FMN2: variants seen among roughly 807,000 people sequenced by gnomAD.
FMN2 encodes the protein formin 2.
In FMN2, 51 loss-of-function variants were observed where a neutral mutation model predicts 142.3. The observed-to-expected ratio is 0.36, with a 90% CI of 0.29 to 0.45. FMN2 has a LOEUF of 0.45. FMN2 is among the 20% of genes least tolerant of loss of function. The pLI is 1.00. For missense variants in FMN2, 1,936 were observed against 2,122.8 expected (o/e 0.91, Z 1.73); for synonymous variants, 882 against 869.8 (o/e 1.01, Z -0.25).
chr1:240,201,184 T>C (rs1351530721), intron 4 of FMN2, among the ~76,000 whole-genome samples: 2 of 152,216 alleles, frequency 1.3e-5, no homozygotes, highest in Non-Finnish European at 2.9e-5. Context: ...ATTGATCATT[T>C]ATAAAAGTAG....
At chr1:240,117,921 T>A (rs1450767502) in intron 1 of FMN2, among the ~76,000 whole-genome samples, 1 of 152,094 alleles carries the variant, frequency 6.6e-6, no homozygotes, top group African/African-American at 2.4e-5. Context: ...AAGTGGATAA[T>A]GGGAACAAGA....
intron 2 of FMN2, among the ~76,000 whole-genome samples, chr1:240,128,700 G>C (rs574829020): frequency 6.6e-5 from 10 of 152,180 alleles, no homozygotes; most frequent in African/African-American, 2.4e-4. Flanking sequence ...TAACAATTCA[G>C]GTTAAAAAGA....
At chr1:240,337,616 C>A (rs1008899491) in intron 13 of FMN2, among the ~76,000 whole-genome samples, 1 of 152,142 alleles carries the variant, frequency 6.6e-6, no homozygotes, top group African/African-American at 2.4e-5. Flanking sequence ...TCCAATAAAT[C>A]TTGGCCATTC....
At chr1:240,272,895 A>G (rs1669067586) in intron 7 of FMN2, among the ~76,000 whole-genome samples, 1 of 152,180 alleles carries the variant, frequency 6.6e-6, no homozygotes, top group Admixed American at 6.6e-5. Flanking sequence ...TACATTAAAC[A>G]ATTTAAATCA....
intron 14 of FMN2, among the ~76,000 whole-genome samples, chr1:240,371,451 T>C (rs1208599961): frequency 6.6e-6 from 1 of 152,202 alleles, no homozygotes; most frequent in Non-Finnish European, 1.5e-5. Context: ...AATTACATTC[T>C]TTAGTGACTG....
chr1:240,300,303 TTGAA>T (rs1220076293), intron 8 of FMN2, among the ~76,000 whole-genome samples: 1 of 152,216 alleles, frequency 6.6e-6, no homozygotes, highest in African/African-American at 2.4e-5. Context: ...TAAATGACTG[TTGAA>T]TGAATGAACC....
intron 2 of FMN2, among the ~76,000 whole-genome samples, chr1:240,175,000 A>G (rs1572020388): frequency 6.6e-6 from 1 of 152,118 alleles, no homozygotes; most frequent in Non-Finnish European, 1.5e-5. Flanking sequence ...CATCTCTCCA[A>G]TCCGGGCAAC....
At chr1:240,469,892 T>C (rs1212706086) in intron 16 of FMN2, among the ~76,000 whole-genome samples, 1 of 152,188 alleles carries the variant, frequency 6.6e-6, no homozygotes, top group Non-Finnish European at 1.5e-5. Flanking sequence ...GCTTCAGAAA[T>C]GACTGAAAAA....
rs1439597372 is a variant in FMN2 at position 240,333,925 on chromosome 1, T to C, written c.4623T>C (p.Tyr1541=). 3 of 1,610,702 alleles carry C rather than the reference T, an allele frequency of 1.9e-6. No homozygotes were observed. The stretch of plus-strand genomic sequence containing the variant: ...GCCTTTTGTCATATATTGTTTCGTA[T>C]TATCTCCGAAATTTTGATGAGGTAA... ...SRSLLSYIVS[Y]YLRNFDEDAG... Residue 1541 remains tyrosine, a synonymous_variant, in exon 12 of 18, where the codon TAT becomes TAC. Transcript: ENST00000319653.
chr1:240,134,962 GTTATGT>G (rs1176056285), intron 2 of FMN2, among the ~76,000 whole-genome samples: 1 of 152,178 alleles, frequency 6.6e-6, no homozygotes, highest in Non-Finnish European at 1.5e-5. Context: ...CCCACTTGGT[GTTATGT>G]TCATGACCAT....
At chr1:240,273,473 T>C (rs2102924151) in intron 7 of FMN2, among the ~76,000 whole-genome samples, 1 of 152,310 alleles carries the variant, frequency 6.6e-6, no homozygotes, top group Admixed American at 6.5e-5. Flanking sequence ...TCAATGTTAC[T>C]TATTCTATCA....
At chr1:240,342,217 A>C (rs1671767743) in intron 13 of FMN2, among the ~76,000 whole-genome samples, 1 of 152,200 alleles carries the variant, frequency 6.6e-6, no homozygotes, top group African/African-American at 2.4e-5. Context: ...GTTACCGTTC[A>C]CTGCTCTGTG....
At chr1:240,128,713 C>G (rs779211387) in intron 2 of FMN2, among the ~76,000 whole-genome samples, 1 of 152,094 alleles carries the variant, frequency 6.6e-6, no homozygotes, top group East Asian at 1.9e-4. Context: ...TAAAAAGAAA[C>G]CCAAGAAATA....
intron 6 of FMN2, among the ~76,000 whole-genome samples, chr1:240,223,548 C>T (rs186329174): frequency 2.6e-4 from 40 of 152,234 alleles, no homozygotes; most frequent in African/African-American, 8.9e-4. Context: ...GGAACCGTTT[C>T]GGAAGGAATG....
At chr1:240,246,135 GCA>G (rs1668075506) in intron 6 of FMN2, among the ~76,000 whole-genome samples, 1 of 151,678 alleles carries the variant, frequency 6.6e-6, no homozygotes, top group Admixed American at 6.6e-5. Flanking sequence ...AGCTGAGATC[GCA>G]CCACTGCACT....
intron 4 of FMN2, among the ~76,000 whole-genome samples, chr1:240,190,816 CA>C (rs1280416045): frequency 2.0e-5 from 3 of 152,132 alleles, no homozygotes; most frequent in African/African-American, 7.2e-5. Flanking sequence ...ATTATAGAGG[CA>C]AATAGGTATA....
chr1:240,419,828 A>G (rs983281160), intron 15 of FMN2, among the ~76,000 whole-genome samples: 2 of 152,000 alleles, frequency 1.3e-5, no homozygotes, highest in African/African-American at 4.8e-5. Flanking sequence ...TGATCAAGGA[A>G]TCATGATTTT....
intron 7 of FMN2, among the ~76,000 whole-genome samples, chr1:240,261,390 T>C (rs1330832249): frequency 1.3e-5 from 2 of 151,800 alleles, no homozygotes; most frequent in Non-Finnish European, 2.9e-5. Flanking sequence ...TTCTCCAAGA[T>C]TGTGCTTTTT....
At chr1:240,378,969 C>T (rs146428264) in intron 14 of FMN2, among the ~76,000 whole-genome samples, 111 of 152,260 alleles carry the variant, frequency 7.3e-4, no homozygotes, top group Non-Finnish European at 2.2e-4. Flanking sequence ...AATGTGATTG[C>T]GCTTTCCTGA....
Sources: allele counts gnomAD v4.1 joint callset (sites outside exome capture counted in the v4.1 genomes callset), GRCh38; gene constraint gnomAD v4.1.1; transcripts MANE v1.5; gene names NCBI Gene and HGNC (gene_info 2026-07-23, HGNC 2026-07-21).